Variants in IL12RB2 observed in about 807,000 individuals in gnomAD.
IL12RB2 encodes interleukin-12 receptor subunit beta-2.
IL12RB2 carries 82 observed loss-of-function variants against 89.4 expected under a neutral mutation model. The ratio of observed to expected loss-of-function variants is 0.92; its 90% confidence interval spans 0.77 to 1.10. IL12RB2 has a LOEUF of 1.10. IL12RB2 is among the 50% of genes least tolerant of loss of function. The probability of loss-of-function intolerance (pLI) is 0.00; values close to 1 mark genes in which losing one functional copy is unlikely to be tolerated. For missense variants in IL12RB2, 963 were observed against 1,031.9 expected (o/e 0.93, Z 0.92); for synonymous variants, 368 against 370.1 (o/e 0.99, Z 0.07).
intron 13 of IL12RB2, among the ~76,000 whole-genome samples, chr1:67,375,588 G>A (rs1185879206): frequency 6.6e-6 from 1 of 152,136 alleles, no homozygotes; most frequent in Non-Finnish European, 1.5e-5. Flanking sequence ...CTGCCTTGAT[G>A]GCCCCCTCTT....
intron 11 of IL12RB2, among the ~76,000 whole-genome samples, chr1:67,371,250 C>T (rs975276576): frequency 3.3e-5 from 5 of 152,192 alleles, no homozygotes; most frequent in Non-Finnish European, 7.3e-5. Flanking sequence ...TTGGAATTTA[C>T]CCATGGCATG....
At chr1:67,366,824 T>G (rs1433018214) in intron 10 of IL12RB2, among the ~76,000 whole-genome samples, 4 of 152,156 alleles carry the variant, frequency 2.6e-5, no homozygotes, top group African/African-American at 4.8e-5. Context: ...CACTCAAACA[T>G]TGGACAAGTA....
chr1:67,316,230 T>A (rs181074663), intron 2 of IL12RB2, among the ~76,000 whole-genome samples: 1 of 152,108 alleles, frequency 6.6e-6, no homozygotes, highest in Non-Finnish European at 1.5e-5. Flanking sequence ...GATAGGAAGA[T>A]GCCAGGGTGC....
At chr1:67,369,100 C>G (rs17129893) in intron 11 of IL12RB2, among the ~76,000 whole-genome samples, 16 of 152,266 alleles carry the variant, frequency 1.1e-4, no homozygotes, top group African/African-American at 3.9e-4. Flanking sequence ...TGAGTCCATC[C>G]TTAACTGTGT....
intron 10 of IL12RB2, among the ~76,000 whole-genome samples, chr1:67,366,338 C>A (rs991172856): frequency 6.6e-6 from 1 of 151,236 alleles, no homozygotes; most frequent in Non-Finnish European, 1.5e-5. Context: ...GTAGTCCCAG[C>A]TACTCGGGAG....
chr1:67,359,025 C>CA (rs1661700899), intron 10 of IL12RB2, among the ~76,000 whole-genome samples: 1 of 152,030 alleles, frequency 6.6e-6, no homozygotes, highest in Admixed American at 6.6e-5. Flanking sequence ...CCTGTAGTTC[C>CA]AGCTACTCAA....
chr1:67,388,020 A>C (rs530704285), intron 15 of IL12RB2, among the ~76,000 whole-genome samples: 42 of 152,250 alleles, frequency 2.8e-4, no homozygotes, highest in African/African-American at 9.6e-4. Context: ...TCTACTGAAA[A>C]TACAAAAATT....
chr1:67,351,127 A>G (rs1660788435), intron 10 of IL12RB2, 38 bp downstream of exon 10: 1 of 1,605,356 alleles, frequency 6.2e-7, no homozygotes, highest in Non-Finnish European at 8.5e-7. Context: ...CCTGTGGAAA[A>G]CTGTGTCTTA....
intron 8 of IL12RB2, among the ~76,000 whole-genome samples, chr1:67,334,873 C>G (rs1344497797): frequency 6.6e-6 from 1 of 152,210 alleles, no homozygotes; most frequent in African/African-American, 2.4e-5. Flanking sequence ...GCCCATGGGC[C>G]GTAGTTTGCT....
chr1:67,313,092 G>A (rs1569680324), intron 1 of IL12RB2, among the ~76,000 whole-genome samples: 4 of 152,376 alleles, frequency 2.6e-5, no homozygotes, highest in Admixed American at 2.6e-4. Flanking sequence ...TCACCAAATG[G>A]TAGACTTGGA....
chr1:67,331,456 T>G (rs1225861014), intron 8 of IL12RB2, among the ~76,000 whole-genome samples: 2 of 152,184 alleles, frequency 1.3e-5, no homozygotes, highest in African/African-American at 4.8e-5. Flanking sequence ...AAGAAAATAT[T>G]TTATTGAAGC....
chr1:67,341,549 A>G (rs1460942964), intron 9 of IL12RB2, among the ~76,000 whole-genome samples: 5 of 57,588 alleles, frequency 8.7e-5, no homozygotes, highest in Admixed American at 4.0e-4. Context: ...GAAAGAAAGA[A>G]AGAAAGAAAG....
At chr1:67,376,336 C>T (rs1234970989) in intron 13 of IL12RB2, among the ~76,000 whole-genome samples, 1 of 152,206 alleles carries the variant, frequency 6.6e-6, no homozygotes, top group Admixed American at 6.5e-5. Flanking sequence ...CCACTCTACG[C>T]TTTGTGAAAT....
intron 8 of IL12RB2, among the ~76,000 whole-genome samples, chr1:67,336,227 T>C (rs943997818): frequency 4.6e-5 from 7 of 152,336 alleles, no homozygotes; most frequent in Admixed American, 3.9e-4. Context: ...GCTTTGCCAT[T>C]TACCAGACCC....
chr1:67,373,911 C>CT (rs1435838210), intron 13 of IL12RB2, among the ~76,000 whole-genome samples: 1 of 152,196 alleles, frequency 6.6e-6, no homozygotes, highest in African/African-American at 2.4e-5. Flanking sequence ...TCTCTCTTGA[C>CT]TTTAAGAGGT....
At chr1:67,326,901 G>T (rs78708554) in intron 5 of IL12RB2, 52 bp downstream of exon 5, 2 of 1,332,336 alleles carry the variant, frequency 1.5e-6, no homozygotes, top group South Asian at 2.5e-5. Flanking sequence ...TCTCTTAAAT[G>T]ACATTTAGAA....
intron 10 of IL12RB2, among the ~76,000 whole-genome samples, chr1:67,357,095 G>A (rs1370496856): frequency 6.6e-6 from 1 of 152,198 alleles, no homozygotes; most frequent in Non-Finnish European, 1.5e-5. Context: ...GGTAGCTCAT[G>A]CCTGTTATTC....
In IL12RB2 at chr1:67,398,360, A is replaced by C. The variant is rs894291078; in HGVS notation, c.*2271A>C. On this transcript the variant is annotated 3_prime_UTR_variant, in exon 17 of 17. Transcript: ENST00000674203. ...TCCTATCTTTGGTTTCCTTTTGATT[A>C]TCTCTCATCCATCTCAGCCACTATT... 6.6e-6 allele frequency among the ~76,000 whole-genome samples: 1 copy of C among 151,798 alleles called. No individual in the cohort carries two copies. Among genetic ancestry groups the C allele is most frequent in the African/African-American group, 2.4e-5 (1 of 41,278 alleles).
chr1:67,394,855 T>A (rs1666195956), intron 16 of IL12RB2, among the ~76,000 whole-genome samples: 1 of 152,196 alleles, frequency 6.6e-6, no homozygotes, highest in African/African-American at 2.4e-5. Flanking sequence ...CATCACCTGT[T>A]TAGTGTGATC....
Sources: gnomAD v4.1 joint callset for allele counts (sites outside exome capture counted in the v4.1 genomes callset) on GRCh38, gnomAD v4.1.1 for gene constraint, MANE v1.5 for transcripts, NCBI Gene and HGNC (gene_info 2026-07-23, HGNC 2026-07-21) for gene names.